ASL: variants seen among roughly 807,000 people sequenced by gnomAD.
ASL encodes the protein argininosuccinase.
ASL carries 51 observed loss-of-function variants against 69.1 expected under a neutral mutation model. The ratio of observed to expected loss-of-function variants is 0.74; its 90% CI spans 0.59 to 0.93. The LOEUF (loss-of-function observed/expected upper bound fraction) is 0.93. ASL is among the 40% of genes least tolerant of loss of function. The pLI is 0.00. For missense variants in ASL, 540 were observed against 623.9 expected (o/e 0.87, Z 1.43); for synonymous variants, 241 against 247.6 (o/e 0.97, Z 0.25).
chr7:66,089,778 G>T, intron 14 of ASL, 83 bp downstream of exon 14: 1 of 1,473,734 alleles, frequency 6.8e-7, no homozygotes. Flanking sequence ...TTGGGAGGAG[G>T]TGAGGTGGGG....
rs760887143 is a variant in ASL, at chr7:66,086,813, C to G, written c.594C>G (p.Pro198=). Residue 198 remains proline, a synonymous_variant, in exon 8 of 17, where the codon CCC becomes CCG. Transcript: ENST00000304874. ...LEVRKRINVL[P]LGSGAIAGNP... ...TGCGGAAGCGGATCAATGTCCTGCC[C>G]CTGGGGAGGTGGGTGAGGCTCCAGT... The G allele has an allele frequency of 4.4e-6, 7 of 1,578,556 alleles. No homozygotes were observed. The highest frequency in any genetic ancestry group is 2.3e-5 in the South Asian group (2 of 86,940).
At chr7:66,087,509 T>A in intron 9 of ASL, 123 bp downstream of exon 9, 2 of 1,269,746 alleles carry the variant, frequency 1.6e-6, no homozygotes, top group Non-Finnish European at 2.2e-6. Context: ...ATTCATTGCC[T>A]ATGGGCACTG....
At chr7:66,090,066 C>T (rs1011094506) in intron 14 of ASL, among the ~76,000 whole-genome samples, 32 of 152,130 alleles carry the variant, frequency 2.1e-4, no homozygotes, top group African/African-American at 7.7e-4. Flanking sequence ...GGCGTAACCA[C>T]GTCTCTACTA....
At chr7:66,086,540 C>A in intron 6 of ASL, 45 bp from the exon 7 acceptor site, 1 of 1,605,528 alleles carries the variant, frequency 6.2e-7, no homozygotes, top group South Asian at 1.1e-5. Context: ...ACAGGCAGGC[C>A]TTGCATGAGC....
chr7:66,079,134 G>T (rs1034901127), intron 2 of ASL, among the ~76,000 whole-genome samples: 2 of 152,064 alleles, frequency 1.3e-5, no homozygotes, highest in Non-Finnish European at 2.9e-5. Context: ...AGCCAGGATG[G>T]TCTCCATCTC....
chr7:66,082,900 A>G lies in ASL; in HGVS notation c.312A>G (p.Ala104=), dbSNP rs1398461862. 2.5e-6 allele frequency: 4 copies of G among 1,613,620 alleles called. No homozygotes were observed. The African/African-American group carries it at 5.3e-5, about 22-fold the overall frequency. Residue 104 remains alanine (A), a synonymous_variant, in exon 5 of 17, where the codon GCA becomes GCG. Coordinates refer to ENST00000304874, the MANE Select transcript of ASL (RefSeq NM_000048.4). Reference sequence around the variant, plus strand: ...TCCAGGAGCTCATTGGTGCAACGGCAGGGAAGCTGCACACGGGACGGAGCC... The same window carrying G: ...TCCAGGAGCTCATTGGTGCAACGGCGGGGAAGCTGCACACGGGACGGAGCC... ...RRLKELIGAT[A]GKLHTGRSRN...
In ASL at chr7:66,092,909, C is replaced by T; in HGVS notation, c.1392C>T (p.Ala464=). 1 of 1,606,114 alleles carries T rather than the reference C, an allele frequency of 6.2e-7. No homozygotes were observed. Among genetic ancestry groups the T allele is most frequent in the Non-Finnish European group, 8.5e-7 (1 of 1,179,656 alleles). Residue 464 remains alanine, a synonymous_variant, in exon 17 of 17, where the codon GCC becomes GCT. Coordinates refer to ENST00000304874, the MANE Select transcript of ASL (RefSeq NM_000048.4). Reference sequence around the variant, plus strand: ...GGGCGCTACTGCAGGCACAGCAGGCCTAGGTCCTCCCACACCTGCCCCCTA... The same window carrying T: ...GGGCGCTACTGCAGGCACAGCAGGCTTAGGTCCTCCCACACCTGCCCCCTA... ...QVRALLQAQQ[A] is the part of the protein sequence containing the mutation.
Position 66,093,168 on chromosome 7 carries a change from A to T in ASL, c.*256A>T. 1 of 569,748 alleles carries T rather than the reference A, an allele frequency of 1.8e-6. No individual in the cohort carries two copies. The highest frequency in any genetic ancestry group is 3.1e-6 in the Non-Finnish European group (1 of 320,964). The allele number at this position is 569,748 out of a possible 1,614,324, so 35.3% of individuals were successfully genotyped here. On this transcript the variant is annotated 3_prime_UTR_variant, in exon 17 of 17. Coordinates refer to ENST00000304874, the MANE Select transcript of ASL (RefSeq NM_000048.4). Reference sequence around the variant, plus strand: ...CCATCTCTACTCAATAATAAAACAAATAGCCTGGCGTGGTGGCCCATGCAT... The same window carrying T: ...CCATCTCTACTCAATAATAAAACAATTAGCCTGGCGTGGTGGCCCATGCAT...
Position 66,093,094 on chromosome 7 carries a change from A to G in ASL, c.*182A>G. The stretch of plus-strand genomic sequence containing the variant: ...CACTTTGGAAGGGCAAGGTGCGAGG[A>G]TGCTTGAGGCCAGGAGTTTGACACA... On this transcript the variant is annotated 3_prime_UTR_variant, in exon 17 of 17. Transcript: ENST00000304874. 1 of 963,740 alleles carries G rather than the reference A, an allele frequency of 1.0e-6. No homozygotes were observed. The highest frequency in any genetic ancestry group is 1.5e-6 in the Non-Finnish European group (1 of 645,998). The allele number at this position is 963,740 out of a possible 1,614,324, so 59.7% of individuals were successfully genotyped here.
rs757952889 is a variant in ASL, at chr7:66,081,879, A to G, written c.89A>G (p.Tyr30Cys). 15 of 1,614,054 alleles carry G rather than the reference A, an allele frequency of 9.3e-6. No individual in the cohort carries two copies. The East Asian group carries it at 3.3e-4, about 36-fold the overall frequency. Residue 30 changes from tyrosine to cysteine, a missense_variant, in exon 3 of 17, where the codon TAC (tyrosine) becomes TGC (cysteine). Physicochemically the swap from Tyr to Cys is radical, Grantham distance 194. Transcript: ENST00000304874. ...IMEKFNASIA[Y>C]DRHLWEVDVQ... Reference sequence around the variant, plus strand: ...GAGAAGTTCAACGCGTCCATTGCCTACGACCGGCACCTTTGGGAGGTGGAT... The same window carrying G: ...GAGAAGTTCAACGCGTCCATTGCCTGCGACCGGCACCTTTGGGAGGTGGAT...
chr7:66,087,504 T>G, intron 9 of ASL, 118 bp downstream of exon 9: 5 of 1,303,854 alleles, frequency 3.8e-6, no homozygotes, highest in Non-Finnish European at 5.4e-6. Context: ...CCTTCATTCA[T>G]TGCCTATGGG....
intron 2 of ASL, among the ~76,000 whole-genome samples, chr7:66,081,362 C>T (rs1786498163): frequency 6.6e-6 from 1 of 151,994 alleles, no homozygotes; most frequent in African/African-American, 2.4e-5. Flanking sequence ...GGAGGATCAC[C>T]TGAGGTCAGG....
chr7:66,084,665 G>C (rs1786606975), intron 6 of ASL, among the ~76,000 whole-genome samples: 2 of 151,640 alleles, frequency 1.3e-5, no homozygotes, highest in Admixed American at 1.3e-4. Context: ...TGTTGCCCAG[G>C]CTGGAGTGCA....
At chr7:66,075,943 TG>T in intron 1 of ASL, 87 bp downstream of exon 1, 1 of 1,159,940 alleles carries the variant, frequency 8.6e-7, no homozygotes, top group Non-Finnish European at 1.2e-6. Context: ...CCCCAAGGGC[TG>T]CGCTCCCTCA....
chr7:66,076,627 CT>C (rs1786353701), intron 2 of ASL, among the ~76,000 whole-genome samples: 2 of 152,246 alleles, frequency 1.3e-5, no homozygotes, highest in South Asian at 4.1e-4. Flanking sequence ...TCCTGTCTCA[CT>C]GGACCCTGCC....
chr7:66,086,065 G>A (rs1786653520), intron 6 of ASL, among the ~76,000 whole-genome samples: 1 of 152,052 alleles, frequency 6.6e-6, no homozygotes, highest in Non-Finnish European at 1.5e-5. Context: ...TCCAGTCTGG[G>A]CAACAGAACG....
intron 10 of ASL, 121 bp downstream of exon 10, chr7:66,087,912 A>T (rs1213733232): frequency 8.4e-6 from 11 of 1,307,270 alleles, no homozygotes; most frequent in Non-Finnish European, 1.2e-5. Context: ...TGTACACTGA[A>T]GTATAAACCT....
At chr7:66,082,225 GC>G in intron 3 of ASL, 142 bp from the exon 4 acceptor site, 1 of 1,057,440 alleles carries the variant, frequency 9.5e-7, no homozygotes, top group South Asian at 1.4e-5. Context: ...GGCCTGAGAT[GC>G]CCCCTCCCAG....
intron 6 of ASL, among the ~76,000 whole-genome samples, chr7:66,086,252 G>A (rs552219766): frequency 7.8e-4 from 118 of 152,202 alleles, no homozygotes; most frequent in Non-Finnish European, 1.2e-3. Flanking sequence ...AACCTCCCAC[G>A]GCCAAGTCAT....
Sources: gnomAD v4.1 joint callset for allele counts (sites outside exome capture counted in the v4.1 genomes callset) on GRCh38, gnomAD v4.1.1 for gene constraint, MANE v1.5 for transcripts, NCBI Gene and HGNC (gene_info 2026-07-23, HGNC 2026-07-21) for gene names.